Variants in FER observed in about 807,000 individuals in gnomAD.
FER encodes tyrosine-protein kinase Fer.
Under a neutral mutation model 111.0 loss-of-function variants are expected in FER, and 63 were observed. That is an observed-to-expected ratio of 0.57 (90% CI 0.46 to 0.70). FER has a LOEUF of 0.70. Among genes scored for constraint, FER ranks in the 30% least tolerant of loss-of-function variants. The pLI, the probability that FER is intolerant of heterozygous loss-of-function variation, is 0.00. For synonymous variants in FER, 327 were observed against 313.9 expected (o/e 1.04, Z -0.44); for missense variants, 914 against 954.0 (o/e 0.96, Z 0.55).
chr5:108,778,329 G>A (rs79446621), intron 2 of FER, among the ~76,000 whole-genome samples: 200 of 152,270 alleles, frequency 1.3e-3, no homozygotes, highest in African/African-American at 4.3e-3. Flanking sequence ...GACTTACGGG[G>A]CATTTAATTT....
At chr5:108,935,246 G>C (rs1340100571) in intron 10 of FER, among the ~76,000 whole-genome samples, 1 of 152,086 alleles carries the variant, frequency 6.6e-6, no homozygotes, top group African/African-American at 2.4e-5. Flanking sequence ...ATTCCTTCAG[G>C]AGTCTCTGAA....
chr5:109,086,068 T>C (rs1777529981), intron 16 of FER, among the ~76,000 whole-genome samples: 1 of 151,774 alleles, frequency 6.6e-6, no homozygotes, highest in South Asian at 2.1e-4. Flanking sequence ...GTTAGAAATA[T>C]TTTCTTCTCC....
At chr5:109,160,553 T>C (rs1755877279) in intron 17 of FER, among the ~76,000 whole-genome samples, 1 of 152,190 alleles carries the variant, frequency 6.6e-6, no homozygotes, top group African/African-American at 2.4e-5. Context: ...CTATTAAATT[T>C]CGGTTCTCTG....
At chr5:108,933,227 G>T (rs935132967) in intron 10 of FER, among the ~76,000 whole-genome samples, 3 of 152,110 alleles carry the variant, frequency 2.0e-5, no homozygotes, top group Admixed American at 6.6e-5. Flanking sequence ...ATGATTTTAG[G>T]TCTTACGTTT....
Position 108,886,024 on chromosome 5 carries a change from T to G in FER, c.1046+2506T>G, listed in dbSNP as rs12109934. 2.0e-5 allele frequency among the ~76,000 whole-genome samples: 3 copies of G among 151,868 alleles called. No homozygotes were observed. The East Asian group carries it at 5.8e-4, about 29-fold the overall frequency. ...TATAGATGACCAAGTGGTTCTACTTTTTATAATTTTGCAAAAGGACACATT... is the reference window on the plus strand; with the variant it reads ...TATAGATGACCAAGTGGTTCTACTTGTTATAATTTTGCAAAAGGACACATT... On this transcript the variant is annotated intron_variant, in intron 9 of 19. Transcript: ENST00000281092.
chr5:109,037,456 T>C lies in FER; in HGVS notation c.1691T>C (p.Ile564Thr), dbSNP rs773762377. ...TGGATTCTCAGTCATGAAGATGTCA[T>C]ATTGGGAGAATTACTGGGCAAGGTA... ...KKWILSHEDV[I>T]LGELLGKGNF... The change falls in exon 14 of 20, where the codon ATA (isoleucine) becomes ACA (threonine). Residue 564 changes from isoleucine to threonine, a missense_variant. Ile to Thr is a moderately conservative substitution (Grantham distance 89, BLOSUM62 -1). Transcript: ENST00000281092. The C allele has an allele frequency of 3.7e-6, 6 of 1,612,160 alleles. No individual in the cohort carries two copies. In the Admixed American group the frequency reaches 8.3e-5, roughly 22 times the overall value.
At chr5:108,870,172 C>T (rs2150243255) in intron 6 of FER, among the ~76,000 whole-genome samples, 1 of 152,032 alleles carries the variant, frequency 6.6e-6, no homozygotes, top group East Asian at 1.9e-4. Context: ...TTGTGTAATA[C>T]ATTATTTTAG....
chr5:108,973,864 G>A (rs939177198), intron 13 of FER, among the ~76,000 whole-genome samples: 3 of 152,090 alleles, frequency 2.0e-5, no homozygotes, highest in African/African-American at 7.2e-5. Flanking sequence ...AATCACTTCA[G>A]TTGGAGACCT....
At chr5:109,183,018 T>A (rs1758442313) in intron 18 of FER, among the ~76,000 whole-genome samples, 4 of 152,182 alleles carry the variant, frequency 2.6e-5, no homozygotes, top group African/African-American at 9.7e-5. Context: ...CTGAAGATCC[T>A]TGATCTAGAG....
chr5:109,027,288 A>G (rs925738878), intron 13 of FER, among the ~76,000 whole-genome samples: 3 of 152,096 alleles, frequency 2.0e-5, no homozygotes, highest in Admixed American at 6.6e-5. Context: ...GTATTACTGT[A>G]TTAGTGAATT....
intron 9 of FER, chr5:108,894,380 A>C (rs528975300): frequency 2.0e-6 from 2 of 979,242 alleles, no homozygotes; most frequent in African/African-American, 3.4e-5. Context: ...TCCTTGCTGC[A>C]TCCTGTAGCA....
intron 17 of FER, 152 bp downstream of exon 17, chr5:109,100,671 T>A (rs1187542777): frequency 5.4e-6 from 4 of 740,140 alleles, no homozygotes; most frequent in African/African-American, 5.4e-5. Flanking sequence ...GCTAGTTGTT[T>A]ATATAGTTTA....
chr5:108,980,962 G>GT (rs1330274693), intron 13 of FER, among the ~76,000 whole-genome samples: 3 of 152,188 alleles, frequency 2.0e-5, no homozygotes, highest in East Asian at 3.9e-4. Context: ...TTTTGGTAGG[G>GT]TTTTTTAGAG....
At chr5:109,115,417 C>G (rs1368086557) in intron 17 of FER, among the ~76,000 whole-genome samples, 3 of 152,138 alleles carry the variant, frequency 2.0e-5, no homozygotes, top group Non-Finnish European at 4.4e-5. Flanking sequence ...CATACCTATT[C>G]ACCAGCCTAG....
intron 14 of FER, 120 bp downstream of exon 14, chr5:109,037,598 A>G: frequency 4.4e-6 from 3 of 678,718 alleles, no homozygotes; most frequent in South Asian, 2.0e-5. Context: ...CACATTAACT[A>G]GAACACAATG....
At chr5:109,092,779 A>G (rs1746987256) in intron 16 of FER, among the ~76,000 whole-genome samples, 1 of 152,362 alleles carries the variant, frequency 6.6e-6, no homozygotes, top group African/African-American at 2.4e-5. Context: ...AAGAATTGAA[A>G]ACAAGATTTT....
chr5:109,156,742 G>A (rs1220223030), intron 17 of FER, among the ~76,000 whole-genome samples: 1 of 152,012 alleles, frequency 6.6e-6, no homozygotes, highest in South Asian at 2.1e-4. Flanking sequence ...AAGAAGCAGT[G>A]GTCAGTAATG....
intron 3 of FER, among the ~76,000 whole-genome samples, chr5:108,829,647 CT>C (rs908599618): frequency 2.6e-5 from 4 of 151,950 alleles, no homozygotes; most frequent in African/African-American, 9.7e-5. Context: ...TCAAAAAAAA[CT>C]TTTTTAAGTC....
chr5:108,761,045 C>G (rs1751684586), intron 1 of FER, among the ~76,000 whole-genome samples: 1 of 152,068 alleles, frequency 6.6e-6, no homozygotes, highest in South Asian at 2.1e-4. Context: ...ATTCTCCTGC[C>G]TCAGCCTCCT....
Sources: allele counts gnomAD v4.1 joint callset (sites outside exome capture counted in the v4.1 genomes callset), GRCh38; gene constraint gnomAD v4.1.1; transcripts MANE v1.5; gene names NCBI Gene and HGNC (gene_info 2026-07-23, HGNC 2026-07-21).